PCDHGA2: variants seen among roughly 807,000 people sequenced by gnomAD.
The protein encoded by PCDHGA2 is protocadherin gamma subfamily A, 2.
In PCDHGA2, 40 loss-of-function variants were observed where a neutral mutation model predicts 59.2. The ratio of observed to expected loss-of-function variants is 0.68; its 90% confidence interval spans 0.52 to 0.88. The LOEUF (loss-of-function observed/expected upper bound fraction) is 0.88, where lower values mean the gene tolerates loss of function less well. PCDHGA2 is among the 40% of genes least tolerant of loss of function. The probability of loss-of-function intolerance (pLI) is 0.00; values close to 1 mark genes in which losing one functional copy is unlikely to be tolerated. For synonymous variants in PCDHGA2, 560 were observed against 526.0 expected, an observed-to-expected ratio of 1.06 and a Z score of -0.89; for missense variants, 1,226 against 1,204.0, an observed-to-expected ratio of 1.02 and a Z score of -0.27.
chr5:141,400,700 AAAG>A (rs1199384329), intron 1 of PCDHGA2: 5 of 728,844 alleles, frequency 6.9e-6, no homozygotes, highest in Non-Finnish European at 1.1e-5. Flanking sequence ...ATGTCGCATA[AAAG>A]AAGTAGCCTT....
chr5:141,404,079 C>G lies in PCDHGA2; in HGVS notation c.2424+62684C>G, dbSNP rs768434673. On this transcript the variant is annotated intron_variant, in intron 1 of 3. Transcript: ENST00000394576. ...CTTTTCAATGCTCATGACCGAGACT[C>G]CGGGAAGAATGGTCAAGTTGTCTGT... 3.1e-6 allele frequency: 5 copies of G among 1,613,568 alleles called. No homozygotes were observed. In the East Asian group the frequency reaches 1.1e-4, roughly 36 times the overall value.
chr5:141,415,657 G>A, intron 1 of PCDHGA2: 1 of 1,576,236 alleles, frequency 6.3e-7, no homozygotes, highest in Non-Finnish European at 8.6e-7. Flanking sequence ...AAAAAAGATT[G>A]GTTTTTACTT....
At chr5:141,341,957 C>T (rs1050364843) in intron 1 of PCDHGA2, 17 of 157,062 alleles carry the variant, frequency 1.1e-4, no homozygotes, top group Admixed American at 7.9e-4. Context: ...TAGAAATATA[C>T]ATTCCTTACA....
In PCDHGA2 at chr5:141,486,336, G is replaced by A. The variant is rs534793835; in HGVS notation, c.2425-8471G>A. 3.8e-5 allele frequency: 61 copies of A among 1,613,992 alleles called. No individual in the cohort carries two copies. In the African/African-American group the frequency reaches 4.3e-4, roughly 11 times the overall value. On this transcript the variant is annotated intron_variant, in intron 1 of 3. Coordinates refer to ENST00000394576, the MANE Select transcript of PCDHGA2 (RefSeq NM_018915.4). The surrounding 1 kb of genome is among the most constrained non-coding windows in gnomAD (Gnocchi z 5.0). The stretch of plus-strand genomic sequence containing the variant: ...GGGTCAAACGGAGATGTGAGCCTCC[G>A]CATTCCTGACCACTTGCCATTTGCC...
At chr5:141,394,874 G>C in intron 1 of PCDHGA2, 3 of 1,613,814 alleles carry the variant, frequency 1.9e-6, no homozygotes, top group South Asian at 1.1e-5. Context: ...CGAACGATTC[G>C]AGCCTTACAC....
chr5:141,437,074 A>G (rs1455066447), intron 1 of PCDHGA2, among the ~76,000 whole-genome samples: 1 of 152,250 alleles, frequency 6.6e-6, no homozygotes, highest in Non-Finnish European at 1.5e-5. Flanking sequence ...GGTTTGGGCC[A>G]TATAAGAATT....
chr5:141,393,155 A>G (rs1158641344), intron 1 of PCDHGA2: 1 of 1,613,328 alleles, frequency 6.2e-7, no homozygotes, highest in Non-Finnish European at 8.5e-7. Flanking sequence ...AGGATAAAGG[A>G]AAACTCTTTG....
chr5:141,424,655 TTTAA>T (rs1162406206), intron 1 of PCDHGA2: 3 of 152,238 alleles, frequency 2.0e-5, no homozygotes, highest in Non-Finnish European at 4.4e-5. Flanking sequence ...GTATTTGGAC[TTTAA>T]TTAAACTGAT....
At chr5:141,409,830 G>T in intron 1 of PCDHGA2, 1 of 1,611,250 alleles carries the variant, frequency 6.2e-7, no homozygotes, top group South Asian at 1.1e-5. Flanking sequence ...CCCACGCTCA[G>T]CGCCAACGTG....
intron 1 of PCDHGA2, chr5:141,366,166 C>A (rs764048783): frequency 1.2e-6 from 2 of 1,614,076 alleles, no homozygotes; most frequent in Admixed American, 1.7e-5. Flanking sequence ...TTAAGGCCAG[C>A]GAGCCAGGAC....
intron 1 of PCDHGA2, chr5:141,370,194 T>C: frequency 3.8e-6 from 2 of 525,176 alleles, no homozygotes; most frequent in East Asian, 3.0e-5. Flanking sequence ...TGGCTAGTGC[T>C]GTGCAAAATA....
At chr5:141,355,694 A>G in intron 1 of PCDHGA2, 2 of 1,613,824 alleles carry the variant, frequency 1.2e-6, no homozygotes, top group Non-Finnish European at 1.7e-6. Context: ...GTAGGTGTAA[A>G]CTCCCTGCAG....
intron 1 of PCDHGA2, chr5:141,352,180 C>T (rs1348613685): frequency 6.2e-7 from 1 of 1,613,720 alleles, no homozygotes; most frequent in African/African-American, 1.3e-5. Flanking sequence ...GCCTGCTGGT[C>T]GCTGTGCGTG....
In PCDHGA2 at chr5:141,510,353, C is replaced by G. The variant is rs74759939; in HGVS notation, c.2573-594C>G. On this transcript the variant is annotated intron_variant, in intron 3 of 3. Transcript: ENST00000394576. ...CACCCCCACCCCACACACTTACTAA[C>G]GGAACTACCGAATCTCTACTCGTGC... is the stretch of plus-strand genomic sequence containing the variant. Among the ~76,000 whole-genome samples the G allele has an allele frequency of 1.9e-4, 28 of 146,588 alleles. No homozygotes were observed. The East Asian group carries it at 5.6e-3, about 29-fold the overall frequency.
chr5:141,428,392 T>A, intron 1 of PCDHGA2: 1 of 497,196 alleles, frequency 2.0e-6, no homozygotes, highest in Admixed American at 3.1e-5. Flanking sequence ...TTCCAGCCCC[T>A]CTGCCTGGGG....
At chr5:141,455,186 C>T (rs1436215310) in intron 1 of PCDHGA2, among the ~76,000 whole-genome samples, 3 of 151,542 alleles carry the variant, frequency 2.0e-5, no homozygotes, top group Non-Finnish European at 2.9e-5. Context: ...TTTTATTTCT[C>T]TACAAATTTA....
At chr5:141,382,364 T>C (rs919179170) in intron 1 of PCDHGA2, among the ~76,000 whole-genome samples, 3 of 152,264 alleles carry the variant, frequency 2.0e-5, no homozygotes, top group African/African-American at 7.2e-5. Flanking sequence ...AAATAAAATT[T>C]ACCTTTTTGC....
chr5:141,409,286 C>T (rs1304936825), intron 1 of PCDHGA2: 1 of 1,613,826 alleles, frequency 6.2e-7, no homozygotes, highest in African/African-American at 1.3e-5. Context: ...GAATTCACCT[C>T]CAGGAATGGT....
At chr5:141,499,679 T>G (rs2099793341) in intron 2 of PCDHGA2, among the ~76,000 whole-genome samples, 1 of 150,922 alleles carries the variant, frequency 6.6e-6, no homozygotes, top group South Asian at 2.1e-4. Context: ...CCACCATCTT[T>G]AACAGATGAC....
Sources: allele counts gnomAD v4.1 joint callset (sites outside exome capture counted in the v4.1 genomes callset), GRCh38; gene constraint gnomAD v4.1.1; non-coding constraint Gnocchi (gnomAD v3.1); transcripts MANE v1.5; gene names NCBI Gene and HGNC (gene_info 2026-07-23, HGNC 2026-07-21).